Variants in ESR1 observed in about 807,000 individuals in gnomAD.
ESR1 encodes the protein estrogen receptor 1, also known as estrogen receptor.
In ESR1, 12 loss-of-function variants were observed where a neutral mutation model predicts 52.7. The ratio of observed to expected loss-of-function variants is 0.23; its 90% CI spans 0.15 to 0.37. The LOEUF (loss-of-function observed/expected upper bound fraction) is 0.37. Among genes scored for constraint, ESR1 ranks in the 10% least tolerant of loss-of-function variants. The pLI, the probability that ESR1 is intolerant of heterozygous loss-of-function variation, is 1.00. For missense variants in ESR1, 584 were observed against 779.7 expected, an observed-to-expected ratio of 0.75 and a Z score of 2.99; for synonymous variants, 305 against 316.8, an observed-to-expected ratio of 0.96 and a Z score of 0.39.
chr6:152,089,432 GAC>G (rs3068837), intron 6 of ESR1, among the ~76,000 whole-genome samples: 2,529 of 152,258 alleles, frequency 0.017, 68 homozygotes, highest in African/African-American at 0.058. Flanking sequence ...TTGAAAAGCT[GAC>G]ATAATACATT....
At chr6:151,659,497 A>G (rs1777566173) in intron 1 of ESR1, among the ~76,000 whole-genome samples, 1 of 152,144 alleles carries the variant, frequency 6.6e-6, no homozygotes, top group Non-Finnish European at 1.5e-5. Context: ...TTTAGCACTG[A>G]GTTTCTCATA....
intron 5 of ESR1, among the ~76,000 whole-genome samples, chr6:152,026,847 A>T (rs898094006): frequency 2.0e-5 from 3 of 152,168 alleles, no homozygotes; most frequent in Non-Finnish European, 4.4e-5. Flanking sequence ...AAACTTTGTA[A>T]TATTAATTAT....
chr6:152,110,490 T>C (rs981760865), intron 6 of ESR1, among the ~76,000 whole-genome samples: 3 of 151,370 alleles, frequency 2.0e-5, no homozygotes, highest in Admixed American at 6.6e-5. Context: ...AACACAGGGA[T>C]ACATAAAGGG....
intron 5 of ESR1, among the ~76,000 whole-genome samples, chr6:152,036,229 G>A (rs1007390094): frequency 2.6e-5 from 4 of 152,082 alleles, no homozygotes; most frequent in East Asian, 1.9e-4. Flanking sequence ...GCGTGGTGGC[G>A]GGTGCCTGTA....
At chr6:151,777,966 T>A (rs1583241436) in intron 2 of ESR1, among the ~76,000 whole-genome samples, 1 of 151,534 alleles carries the variant, frequency 6.6e-6, no homozygotes, top group Non-Finnish European at 1.5e-5. Context: ...GTCTCAAAAA[T>A]AAATAAATAA....
rs1369471902 is a variant in ESR1, at chr6:152,100,348, CTTGGTGGTTTAG to C, written c.*1383_*1394del. The stretch of plus-strand genomic sequence containing the variant: ...GGGGCCTGGTCAGATTACGTATGCC[CTTGGTGGTTTAG>C]AGATAATCCAAAATCAGGGTTTGGT... On this transcript the variant is annotated 3_prime_UTR_variant, in exon 8 of 8. Coordinates refer to ENST00000206249, the MANE Select transcript of ESR1 (RefSeq NM_000125.4). The C allele has an allele frequency of 2.7e-6, 1 of 363,926 alleles. No individual in the cohort carries two copies. The highest frequency in any genetic ancestry group is 4.9e-6 in the Non-Finnish European group (1 of 204,026). 22.5% of individuals were successfully genotyped at this position (363,926 alleles called of 1,614,324 possible).
chr6:152,077,002 C>T (rs2048789118), intron 6 of ESR1, among the ~76,000 whole-genome samples: 1 of 152,094 alleles, frequency 6.6e-6, no homozygotes, highest in Non-Finnish European at 1.5e-5. Context: ...TAACAAGGAG[C>T]CAAATGTTAA....
At chr6:151,965,294 A>G (rs2038149818) in intron 4 of ESR1, among the ~76,000 whole-genome samples, 1 of 152,238 alleles carries the variant, frequency 6.6e-6, no homozygotes, top group African/African-American at 2.4e-5. Flanking sequence ...ATTTATTGTT[A>G]CATACATATG....
chr6:152,122,661 G>A, intron 6 of ESR1: 1 of 1,614,000 alleles, frequency 6.2e-7, no homozygotes, highest in South Asian at 1.1e-5. Context: ...AGGAATCGGA[G>A]CCACCTTTTG....
At chr6:151,988,195 T>C (rs2040677063) in intron 4 of ESR1, among the ~76,000 whole-genome samples, 1 of 152,064 alleles carries the variant, frequency 6.6e-6, no homozygotes. Flanking sequence ...TACCATAACA[T>C]AGAATCAATG....
chr6:151,841,154 T>G (rs1189225619), intron 1 of ESR1, among the ~76,000 whole-genome samples: 1 of 152,238 alleles, frequency 6.6e-6, no homozygotes, highest in African/African-American at 2.4e-5. Context: ...TTCCTCTTTG[T>G]GCTTTCAAAC....
chr6:152,008,499 A>C (rs1056816824), intron 4 of ESR1, among the ~76,000 whole-genome samples: 4 of 152,160 alleles, frequency 2.6e-5, no homozygotes, highest in Admixed American at 2.0e-4. Flanking sequence ...GGCTTCCAAA[A>C]GGCCACTAAA....
At chr6:151,918,751 T>C (rs2030934121) in intron 3 of ESR1, among the ~76,000 whole-genome samples, 1 of 152,198 alleles carries the variant, frequency 6.6e-6, no homozygotes, top group Non-Finnish European at 1.5e-5. Context: ...AACCTCCTTC[T>C]CACTATTAAC....
At chr6:152,121,509 G>C (rs1032215505) in intron 6 of ESR1, among the ~76,000 whole-genome samples, 1 of 152,098 alleles carries the variant, frequency 6.6e-6, no homozygotes, top group African/African-American at 2.4e-5. Context: ...GAATCACCTG[G>C]GGTCTTCTAT....
At chr6:151,669,185 A>AGAGAGG (rs1777952138) in intron 1 of ESR1, among the ~76,000 whole-genome samples, 2 of 115,410 alleles carry the variant, frequency 1.7e-5, no homozygotes, top group Non-Finnish European at 3.8e-5. Flanking sequence ...AGAGAGAGAG[A>AGAGAGG]GAGATGGGAA....
At chr6:151,976,107 C>A (rs191002077) in intron 4 of ESR1, among the ~76,000 whole-genome samples, 198 of 152,034 alleles carry the variant, frequency 1.3e-3, no homozygotes, top group African/African-American at 4.4e-3. Flanking sequence ...CAGCCCCAGA[C>A]CTGTAAGAGG....
At chr6:151,663,766 A>T (rs114354628) in intron 1 of ESR1, among the ~76,000 whole-genome samples, 2 of 152,244 alleles carry the variant, frequency 1.3e-5, no homozygotes, top group African/African-American at 4.8e-5. Context: ...GGAAACACAC[A>T]TTGCAAGTTT....
chr6:151,761,080 G>A (rs1293632762), intron 2 of ESR1, among the ~76,000 whole-genome samples: 1 of 151,618 alleles, frequency 6.6e-6, no homozygotes, highest in Non-Finnish European at 1.5e-5. Context: ...ATAGTGGCTG[G>A]GCGAAGGGTA....
intron 3 of ESR1, among the ~76,000 whole-genome samples, chr6:151,910,270 TA>T (rs1193064765): frequency 6.6e-6 from 1 of 152,076 alleles, no homozygotes; most frequent in Non-Finnish European, 1.5e-5. Context: ...TAAATTTAAG[TA>T]GCAACATGTG....
Sources: gnomAD v4.1 joint callset for allele counts (sites outside exome capture counted in the v4.1 genomes callset) on GRCh38, gnomAD v4.1.1 for gene constraint, MANE v1.5 for transcripts, NCBI Gene and HGNC (gene_info 2026-07-23, HGNC 2026-07-21) for gene names.